Variants in UVRAG observed in about 807,000 individuals in gnomAD.
The protein encoded by UVRAG is UV radiation resistance associated, also known as UV radiation resistance-associated gene protein.
UVRAG carries 19 observed loss-of-function variants against 78.0 expected under a neutral mutation model. That is an observed-to-expected ratio of 0.24 (90% CI 0.17 to 0.36). The LOEUF (loss-of-function observed/expected upper bound fraction) is 0.36. Among genes scored for constraint, UVRAG ranks in the 10% least tolerant of loss-of-function variants. The probability of loss-of-function intolerance (pLI) is 1.00; values close to 1 mark genes in which losing one functional copy is unlikely to be tolerated. For synonymous variants in UVRAG, 323 were observed against 324.6 expected, an observed-to-expected ratio of 1.00 and a Z score of 0.05; for missense variants, 740 against 853.8, an observed-to-expected ratio of 0.87 and a Z score of 1.66.
At chr11:76,062,085 G>A (rs190240461) in intron 12 of UVRAG, among the ~76,000 whole-genome samples, 93 of 152,274 alleles carry the variant, frequency 6.1e-4, no homozygotes, top group Non-Finnish European at 1.1e-3. Flanking sequence ...AGCTTCTGGT[G>A]GCTCCAGGCA....
intron 6 of UVRAG, among the ~76,000 whole-genome samples, chr11:75,924,941 A>G (rs1005011786): frequency 6.6e-6 from 1 of 152,228 alleles, no homozygotes; most frequent in Admixed American, 6.5e-5. Context: ...GAAAAGGTGA[A>G]TGAAGAATAA....
intron 11 of UVRAG, among the ~76,000 whole-genome samples, chr11:76,014,462 T>C (rs1254833628): frequency 6.6e-6 from 1 of 152,238 alleles, no homozygotes; most frequent in Non-Finnish European, 1.5e-5. Flanking sequence ...AGTCCTCATC[T>C]TCTTCCTCTT....
At chr11:75,891,476 C>T (rs1017928874) in intron 5 of UVRAG, among the ~76,000 whole-genome samples, 1 of 152,122 alleles carries the variant, frequency 6.6e-6, no homozygotes, top group Non-Finnish European at 1.5e-5. Context: ...ATGTATTGAG[C>T]ATTACTGTAT....
chr11:75,977,695 C>T (rs1949275732), intron 7 of UVRAG, among the ~76,000 whole-genome samples: 1 of 151,958 alleles, frequency 6.6e-6, no homozygotes, highest in Non-Finnish European at 1.5e-5. Context: ...GATTGCAACC[C>T]CTGCTTTTTT....
In UVRAG at chr11:75,849,644, G is replaced by A. The variant is rs573566665; in HGVS notation, c.118-2239G>A. ...AAATGCTGACAGTACAGTGATGGTT[G>A]TGGTTTCTATCAAGCCTTTTAATGC... On this transcript the variant is annotated intron_variant, in intron 1 of 14. Coordinates refer to ENST00000356136, the MANE Select transcript of UVRAG (RefSeq NM_003369.4). Among the ~76,000 whole-genome samples the A allele has an allele frequency of 3.9e-5, 6 of 152,334 alleles. No individual in the cohort carries two copies. The South Asian group carries it at 1.2e-3, about 32-fold the overall frequency.
chr11:76,018,874 T>C (rs1309289443), intron 12 of UVRAG, among the ~76,000 whole-genome samples: 1 of 152,234 alleles, frequency 6.6e-6, no homozygotes, highest in East Asian at 1.9e-4. Context: ...TACTTGAATA[T>C]TGATATTTTT....
intron 7 of UVRAG, among the ~76,000 whole-genome samples, chr11:75,964,954 A>G (rs992270976): frequency 2.0e-5 from 3 of 152,156 alleles, no homozygotes; most frequent in Non-Finnish European, 4.4e-5. Flanking sequence ...TTTCTGTTCC[A>G]TTGATCTATA....
At chr11:76,060,781 A>G (rs1951072174) in intron 12 of UVRAG, among the ~76,000 whole-genome samples, 1 of 152,190 alleles carries the variant, frequency 6.6e-6, no homozygotes, top group African/African-American at 2.4e-5. Context: ...ATTTCTCGCC[A>G]GGCCTCAGCT....
intron 14 of UVRAG, chr11:76,137,334 A>G (rs956348972): frequency 2.2e-6 from 1 of 455,846 alleles, no homozygotes; most frequent in African/African-American, 2.0e-5. Flanking sequence ...TGCGTCCTAC[A>G]GAACAGACAC....
chr11:75,892,560 G>A (rs546364498), intron 5 of UVRAG, among the ~76,000 whole-genome samples: 11 of 152,254 alleles, frequency 7.2e-5, no homozygotes, highest in Non-Finnish European at 1.5e-4. Context: ...CCCAAATTAC[G>A]CAGCTCCCTG....
chr11:76,020,935 A>G (rs1164017278), intron 12 of UVRAG, among the ~76,000 whole-genome samples: 3 of 152,130 alleles, frequency 2.0e-5, no homozygotes, highest in Non-Finnish European at 1.5e-5. Flanking sequence ...GCTGATCTAA[A>G]TGCTGCCTCC....
At chr11:76,038,497 T>C (rs1455944446) in intron 12 of UVRAG, among the ~76,000 whole-genome samples, 3 of 152,212 alleles carry the variant, frequency 2.0e-5, no homozygotes, top group Non-Finnish European at 2.9e-5. Flanking sequence ...ACATAAGTTA[T>C]ATTTGTAGGT....
At chr11:75,991,472 A>G (rs954519029) in intron 8 of UVRAG, among the ~76,000 whole-genome samples, 5 of 152,184 alleles carry the variant, frequency 3.3e-5, no homozygotes, top group African/African-American at 1.2e-4. Flanking sequence ...ATTACTATAA[A>G]TATGTAATAT....
chr11:76,092,539 G>A (rs1277814717), intron 13 of UVRAG, among the ~76,000 whole-genome samples: 14 of 152,264 alleles, frequency 9.2e-5, no homozygotes, highest in South Asian at 8.3e-4. Flanking sequence ...TCTAATTGGC[G>A]TGAGATGGTA....
At chr11:75,836,560 TTC>T (rs1555071226) in intron 1 of UVRAG, among the ~76,000 whole-genome samples, 1 of 152,210 alleles carries the variant, frequency 6.6e-6, no homozygotes, top group Non-Finnish European at 1.5e-5. Flanking sequence ...GATCCATCAA[TTC>T]TTTCTTCACA....
At chr11:76,040,903 G>A (rs546338973) in intron 12 of UVRAG, among the ~76,000 whole-genome samples, 2 of 152,136 alleles carry the variant, frequency 1.3e-5, no homozygotes, top group Non-Finnish European at 2.9e-5. Context: ...TAGAAAACAC[G>A]GTAACAATCA....
At chr11:76,055,255 C>T (rs1950958427) in intron 12 of UVRAG, among the ~76,000 whole-genome samples, 1 of 152,000 alleles carries the variant, frequency 6.6e-6, no homozygotes, top group Non-Finnish European at 1.5e-5. Flanking sequence ...GCCATACTAC[C>T]CAAGCTGGTC....
intron 6 of UVRAG, among the ~76,000 whole-genome samples, chr11:75,943,558 T>C (rs1479025191): frequency 6.6e-6 from 1 of 152,158 alleles, no homozygotes; most frequent in Non-Finnish European, 1.5e-5. Flanking sequence ...TGGTTCTTCT[T>C]GCCTGAAATG....
chr11:75,875,201 C>G (rs1946739762), intron 3 of UVRAG, among the ~76,000 whole-genome samples: 1 of 152,098 alleles, frequency 6.6e-6, no homozygotes, highest in Non-Finnish European at 1.5e-5. Context: ...TTATAGGTAC[C>G]ATTTATTTGC....
Sources: allele counts gnomAD v4.1 joint callset (sites outside exome capture counted in the v4.1 genomes callset), GRCh38; gene constraint gnomAD v4.1.1; transcripts MANE v1.5; gene names NCBI Gene and HGNC (gene_info 2026-07-23, HGNC 2026-07-21).